LHFPL3: variants seen among roughly 807,000 people sequenced by gnomAD.
LHFPL3 encodes LHFPL tetraspan subfamily member 3, also known as LHFPL tetraspan subfamily member 3 protein.
In LHFPL3, 5 loss-of-function variants were observed where a neutral mutation model predicts 19.3. The observed-to-expected ratio is 0.26, with a 90% CI of 0.14 to 0.54. The LOEUF (loss-of-function observed/expected upper bound fraction) is 0.54. Ranked by LOEUF, LHFPL3 falls within the 20% of genes least tolerant of loss-of-function variation. The pLI is 0.94. For synonymous variants in LHFPL3, 133 were observed against 126.2 expected (o/e 1.05, Z -0.36); for missense variants, 249 against 307.4 (o/e 0.81, Z 1.42).
intron 2 of LHFPL3, among the ~76,000 whole-genome samples, chr7:104,853,231 A>G (rs1228626968): frequency 1.3e-5 from 2 of 152,156 alleles, no homozygotes; most frequent in African/African-American, 4.8e-5. Context: ...TGGGAATACC[A>G]CCAGTGAGAA....
intron 1 of LHFPL3, among the ~76,000 whole-genome samples, chr7:104,498,585 C>T (rs1793536396): frequency 6.7e-6 from 1 of 148,634 alleles, no homozygotes; most frequent in Admixed American, 6.8e-5. Flanking sequence ...TCAAGAGATT[C>T]TTGTGCCTCG....
chr7:104,700,830 C>T (rs1038141109), intron 1 of LHFPL3, among the ~76,000 whole-genome samples: 16 of 152,166 alleles, frequency 1.1e-4, no homozygotes, highest in Admixed American at 4.6e-4. Flanking sequence ...GCATTGATCG[C>T]AGTATCTATT....
At chr7:104,756,614 C>T (rs1225671756) in intron 2 of LHFPL3, among the ~76,000 whole-genome samples, 1 of 152,166 alleles carries the variant, frequency 6.6e-6, no homozygotes, top group Non-Finnish European at 1.5e-5. Context: ...ATTCTCGTAC[C>T]TCAGCCTCCC....
chr7:104,617,779 A>G lies in LHFPL3; in HGVS notation c.446-118896A>G, dbSNP rs549418788. On this transcript the variant is annotated intron_variant, in intron 1 of 2. Transcript: ENST00000424859. The stretch of plus-strand genomic sequence containing the variant: ...TGTTTTCTTTAATATATTCATGGAA[A>G]TGGTAATTCCATAGTTTGTTGAAGA... 6.2e-4 allele frequency among the ~76,000 whole-genome samples: 95 copies of G among 152,334 alleles called. 1 individual carries two copies. In the South Asian group the frequency reaches 0.019, roughly 30 times the overall value.
intron 1 of LHFPL3, among the ~76,000 whole-genome samples, chr7:104,335,061 G>C (rs964880445): frequency 3.0e-4 from 45 of 152,270 alleles, no homozygotes; most frequent in East Asian, 5.8e-4. Flanking sequence ...AGCCCTCTCT[G>C]ACAGAGTGAT....
At chr7:104,793,817 A>T (rs73181880) in intron 2 of LHFPL3, among the ~76,000 whole-genome samples, 6,605 of 152,322 alleles carry the variant, frequency 0.043, 190 homozygotes, top group Admixed American at 0.079. Flanking sequence ...CTCTTGTGGT[A>T]TCTCCCATAG....
At chr7:104,522,171 AT>A (rs1794079379) in intron 1 of LHFPL3, among the ~76,000 whole-genome samples, 1 of 152,140 alleles carries the variant, frequency 6.6e-6, no homozygotes, top group African/African-American at 2.4e-5. Flanking sequence ...GATTAAGAAA[AT>A]GTGGCACATA....
At chr7:104,709,166 A>AT (rs550156991) in intron 1 of LHFPL3, among the ~76,000 whole-genome samples, 38 of 150,394 alleles carry the variant, frequency 2.5e-4, no homozygotes, top group African/African-American at 4.1e-4. Context: ...TAGGGATGTC[A>AT]TTTTTTTTTA....
chr7:104,568,695 T>C (rs1221841737), intron 1 of LHFPL3, among the ~76,000 whole-genome samples: 1 of 152,146 alleles, frequency 6.6e-6, no homozygotes, highest in Non-Finnish European at 1.5e-5. Context: ...TGCCCATCTG[T>C]CAGCTCTCCT....
At chr7:104,578,142 C>G (rs1231470367) in intron 1 of LHFPL3, among the ~76,000 whole-genome samples, 3 of 152,158 alleles carry the variant, frequency 2.0e-5, no homozygotes, top group Non-Finnish European at 4.4e-5. Flanking sequence ...AAGTTATAGG[C>G]AGTTAGCTTT....
At chr7:104,713,558 AATC>A (rs886467689) in intron 1 of LHFPL3, among the ~76,000 whole-genome samples, 1 of 152,148 alleles carries the variant, frequency 6.6e-6, no homozygotes, top group African/African-American at 2.4e-5. Flanking sequence ...GCAAGGGAGA[AATC>A]AGCCACCATA....
intron 1 of LHFPL3, among the ~76,000 whole-genome samples, chr7:104,388,999 T>G (rs978097664): frequency 2.6e-5 from 4 of 152,118 alleles, no homozygotes; most frequent in African/African-American, 9.7e-5. Flanking sequence ...CTCTTCAATA[T>G]CATACCAGAG....
At chr7:104,730,315 G>C (rs896597935) in intron 1 of LHFPL3, among the ~76,000 whole-genome samples, 1 of 152,178 alleles carries the variant, frequency 6.6e-6, no homozygotes, top group African/African-American at 2.4e-5. Flanking sequence ...CTGAGGAATT[G>C]CCACACTGTC....
rs906653779 is a variant in LHFPL3 at position 104,363,957 on chromosome 7, T to C, written c.445+34733T>C. ...AGCTATTCAGCAGATCATCAAGGCTTGGAATATATTTAATTCAAATGTTGA... is the reference window on the plus strand; with the variant it reads ...AGCTATTCAGCAGATCATCAAGGCTCGGAATATATTTAATTCAAATGTTGA... On this transcript the variant is annotated intron_variant, in intron 1 of 2. Transcript: ENST00000424859. Among the ~76,000 whole-genome samples the C allele has an allele frequency of 2.0e-5, 3 of 152,322 alleles. No individual in the cohort carries two copies. In the East Asian group the frequency reaches 5.8e-4, roughly 29 times the overall value.
At chr7:104,357,936 C>A (rs1790314749) in intron 1 of LHFPL3, among the ~76,000 whole-genome samples, 1 of 152,134 alleles carries the variant, frequency 6.6e-6, no homozygotes, top group Non-Finnish European at 1.5e-5. Context: ...GGGTGCTGTA[C>A]CCTAGTCTAT....
intron 1 of LHFPL3, among the ~76,000 whole-genome samples, chr7:104,662,151 G>A (rs1792234985): frequency 6.6e-6 from 1 of 152,078 alleles, no homozygotes; most frequent in Non-Finnish European, 1.5e-5. Context: ...TCAGACTGTG[G>A]TTCACTGCAG....
At chr7:104,887,376 G>A (rs1448311031) in intron 2 of LHFPL3, among the ~76,000 whole-genome samples, 1 of 152,180 alleles carries the variant, frequency 6.6e-6, no homozygotes, top group African/African-American at 2.4e-5. Context: ...AGTGAGATGG[G>A]GAGAGGAAGG....
chr7:104,721,189 C>T (rs1451060824), intron 1 of LHFPL3, among the ~76,000 whole-genome samples: 1 of 152,168 alleles, frequency 6.6e-6, no homozygotes, highest in Non-Finnish European at 1.5e-5. Context: ...ACATATACAG[C>T]ATAGAATACT....
chr7:104,669,286 C>T, intron 1 of LHFPL3: 1 of 1,613,908 alleles, frequency 6.2e-7, no homozygotes, highest in East Asian at 2.2e-5. Flanking sequence ...AGCTCCAGCT[C>T]AACCATCTGA....
Sources: allele counts gnomAD v4.1 joint callset (sites outside exome capture counted in the v4.1 genomes callset), GRCh38; gene constraint gnomAD v4.1.1; transcripts MANE v1.5; gene names NCBI Gene and HGNC (gene_info 2026-07-23, HGNC 2026-07-21).